CCDC117: variants seen among roughly 807,000 people sequenced by gnomAD.
The protein encoded by CCDC117 is coiled-coil domain-containing protein 117.
Under a neutral mutation model 23.5 loss-of-function variants are expected in CCDC117, and 1 was observed. The observed-to-expected ratio is 0.04, with a 90% CI of 0.02 to 0.20. CCDC117 has a LOEUF of 0.20. CCDC117 is among the 10% of genes least tolerant of loss of function. The pLI is 1.00. For synonymous variants in CCDC117, 132 were observed against 124.8 expected, an observed-to-expected ratio of 1.06 and a Z score of -0.39; for missense variants, 383 against 348.2, an observed-to-expected ratio of 1.10 and a Z score of -0.80.
chr22:28,777,601 C>T (rs1274601635), intron 2 of CCDC117, among the ~76,000 whole-genome samples: 1 of 151,586 alleles, frequency 6.6e-6, no homozygotes, highest in Non-Finnish European at 1.5e-5. Context: ...CCTCCACCTC[C>T]TGGGCTCAAG....
chr22:28,781,793 G>A (rs1488799704), intron 3 of CCDC117, among the ~76,000 whole-genome samples: 1 of 151,918 alleles, frequency 6.6e-6, no homozygotes, highest in African/African-American at 2.4e-5. Context: ...ACAGGCATGC[G>A]CCACCACGCC....
In CCDC117 at chr22:28,786,281, T is replaced by C; in HGVS notation, c.795T>C (p.Asn265=). 1 of 1,614,172 alleles carries C rather than the reference T, an allele frequency of 6.2e-7. No homozygotes were observed. Among genetic ancestry groups the C allele is most frequent in the South Asian group, 1.1e-5 (1 of 91,082 alleles). Residue 265 remains asparagine, a synonymous_variant, in exon 5 of 5, where the codon AAT becomes AAC. Transcript: ENST00000249064. ...EPRPTGMSLY[N]SLETATSTEE... ...GGCCAACAGGGATGTCTCTTTATAA[T>C]AGTTTGGAGACAGCTACTAGCACAG...
intron 4 of CCDC117, among the ~76,000 whole-genome samples, chr22:28,785,138 G>T (rs2031473195): frequency 1.3e-5 from 2 of 151,958 alleles, no homozygotes; most frequent in Admixed American, 6.6e-5. Flanking sequence ...CCCTGCCACA[G>T]TGTGTGTGTA....
chr22:28,784,095 C>T (rs755363528), intron 4 of CCDC117, among the ~76,000 whole-genome samples: 5 of 152,228 alleles, frequency 3.3e-5, no homozygotes, highest in African/African-American at 4.8e-5. Context: ...ATTCTTGGCT[C>T]ATAGCATAGT....
chr22:28,780,417 T>C (rs1057511136), intron 2 of CCDC117, among the ~76,000 whole-genome samples: 1 of 152,198 alleles, frequency 6.6e-6, no homozygotes, highest in Admixed American at 6.5e-5. Flanking sequence ...TCCTATATGT[T>C]TGATGGAGCA....
Position 28,772,730 on chromosome 22 carries a change from C to G in CCDC117, c.-120C>G, listed in dbSNP as rs1569195608. Reference sequence around the variant, plus strand: ...AGGTGGAGGGTTCTAGAAGGCGTGACGTGGGGTCGAGAGCGGGATCCGAGG... The same window carrying G: ...AGGTGGAGGGTTCTAGAAGGCGTGAGGTGGGGTCGAGAGCGGGATCCGAGG... On this transcript the variant is annotated 5_prime_UTR_variant, in exon 1 of 5. Transcript: ENST00000249064. 2 of 766,170 alleles carry G rather than the reference C, an allele frequency of 2.6e-6. No individual in the cohort carries two copies. Among genetic ancestry groups the G allele is most frequent in the Non-Finnish European group, 3.5e-6 (2 of 571,850 alleles). The allele number at this position is 766,170 out of a possible 1,614,324, so 47.5% of individuals were successfully genotyped here.
chr22:28,783,337 G>A (rs1368966026), intron 3 of CCDC117, among the ~76,000 whole-genome samples, 171 bp from the exon 4 acceptor site: 3 of 152,078 alleles, frequency 2.0e-5, no homozygotes, highest in African/African-American at 2.4e-5. Flanking sequence ...CACCACACCC[G>A]GCCTGAGTAT....
At chr22:28,782,681 C>T (rs2031386375) in intron 3 of CCDC117, among the ~76,000 whole-genome samples, 1 of 152,124 alleles carries the variant, frequency 6.6e-6, no homozygotes, top group South Asian at 2.1e-4. Flanking sequence ...TTGTGGTCCG[C>T]CTGCCTCTGC....
At chr22:28,773,516 A>T (rs775294843) in intron 1 of CCDC117, 1 of 589,600 alleles carries the variant, frequency 1.7e-6, no homozygotes, top group Non-Finnish European at 3.1e-6. Context: ...TTACGTTGAT[A>T]AAAGGACAAG....
At position 28,786,116 on chromosome 22, in the gene CCDC117, C is replaced by G. The variant is rs748468959; in HGVS notation, c.630C>G (p.Leu210=). 1.9e-6 allele frequency: 3 copies of G among 1,613,404 alleles called. No homozygotes were observed. The African/African-American group carries it at 4.0e-5, about 22-fold the overall frequency. ...GCCGTCCTTCCATGGAGCTTGTTCT[C>G]TGGAAACCCCTCCCTGAACTCCTTT... The part of the protein sequence containing the change: ...SMSRPSMELV[L]WKPLPELLSD... Residue 210 remains leucine (L), a synonymous_variant, in exon 5 of 5, where the codon CTC becomes CTG. Transcript: ENST00000249064.
At chr22:28,778,480 C>T (rs1394880302) in intron 2 of CCDC117, among the ~76,000 whole-genome samples, 1 of 151,972 alleles carries the variant, frequency 6.6e-6, no homozygotes, top group Non-Finnish European at 1.5e-5. Context: ...TGGTGGTGCG[C>T]ACCTGTAGTC....
At position 28,781,340 on chromosome 22, in the gene CCDC117, T is replaced by TTTG. The variant is rs2031320744; in HGVS notation, c.464+170_464+171insGTT. On this transcript the variant is annotated intron_variant, in intron 3 of 4. Transcript: ENST00000249064. ...CGTTTTTGTTTTTTTGTTTTGTTTT[T>TTTG]TTTTTTTTTTTTTTTTTTTTTTTTT... Among the ~76,000 whole-genome samples, 41 of 4,210 alleles carry TTTG rather than the reference T, an allele frequency of 9.7e-3. 3 individuals carry two copies. Among genetic ancestry groups the TTTG allele is most frequent in the Admixed American group, 7.7e-3 (3 of 388 alleles). The allele number at this position is 4,210 out of a possible 152,430, so 2.8% of individuals were successfully genotyped here.
In CCDC117 at chr22:28,773,157, C is replaced by G. The variant is rs576150533; in HGVS notation, c.185+123C>G. ...CCGGGGCTTTTTGACTCCCTCCCCA[C>G]GGCCCTCCGCGGGAGCTTCGCAGCC... On this transcript the variant is annotated intron_variant, in intron 1 of 4. Transcript: ENST00000249064. 2.3e-3 allele frequency: 623 copies of G among 268,840 alleles called. 4 individuals carry two copies. The highest frequency in any genetic ancestry group is 0.013 in the African/African-American group (550 of 43,790). 16.7% of individuals were successfully genotyped at this position (268,840 alleles called of 1,614,324 possible). A position where few individuals can be genotyped will look rare whatever the true frequency, so the allele number is the denominator to read the frequency against.
At chr22:28,777,138 A>AGTGT (rs1569197497) in intron 2 of CCDC117, among the ~76,000 whole-genome samples, 1 of 149,072 alleles carries the variant, frequency 6.7e-6, no homozygotes, top group Non-Finnish European at 1.5e-5. Flanking sequence ...TCCCGTGTTC[A>AGTGT]AGTGATTCTC....
chr22:28,778,086 C>T (rs982302054), intron 2 of CCDC117, among the ~76,000 whole-genome samples: 1 of 151,954 alleles, frequency 6.6e-6, no homozygotes, highest in East Asian at 1.9e-4. Context: ...ACCTTGTGAT[C>T]CGCCCGCCTC....
chr22:28,784,975 T>G (rs1195070234), intron 4 of CCDC117, among the ~76,000 whole-genome samples: 1 of 152,014 alleles, frequency 6.6e-6, no homozygotes, highest in African/African-American at 2.4e-5. Flanking sequence ...TTTCACCATG[T>G]TAGCCAGGAT....
At chr22:28,778,699 A>G (rs1210726021) in intron 2 of CCDC117, among the ~76,000 whole-genome samples, 1 of 152,244 alleles carries the variant, frequency 6.6e-6, no homozygotes, top group African/African-American at 2.4e-5. Flanking sequence ...AGTTTAAAGT[A>G]TAGAAACTAT....
chr22:28,778,183 A>C (rs1296209824), intron 2 of CCDC117, among the ~76,000 whole-genome samples: 3 of 152,064 alleles, frequency 2.0e-5, no homozygotes, highest in African/African-American at 7.2e-5. Flanking sequence ...TTATTAAGGA[A>C]TGTTTTCTTC....
chr22:28,786,213 G>T lies in CCDC117; in HGVS notation c.727G>T (p.Gly243Cys). The T allele has an allele frequency of 6.2e-7, 1 of 1,614,126 alleles. No homozygotes were observed. Among genetic ancestry groups the T allele is most frequent in the Non-Finnish European group, 8.5e-7 (1 of 1,179,988 alleles). The change falls in exon 5 of 5, where the codon GGC (glycine) becomes TGC (cysteine). Residue 243 changes from glycine (G) to cysteine (C), a missense_variant. By Grantham distance (159) the Gly-to-Cys change is radical. Transcript: ENST00000249064. ...GAGCCAAGCTAAGCATGTAGCTGCT[G>T]GCACTGCCTTCCCTCAGAGAACTGA... ...GESQAKHVAA[G>C]TAFPQRTELF...
Sources: gnomAD v4.1 joint callset for allele counts (sites outside exome capture counted in the v4.1 genomes callset) on GRCh38, gnomAD v4.1.1 for gene constraint, MANE v1.5 for transcripts, NCBI Gene and HGNC (gene_info 2026-07-23, HGNC 2026-07-21) for gene names.